The following BEST3 variants were observed in gnomAD, a reference collection of about 807,000 sequenced individuals.
BEST3 encodes the protein bestrophin 3.
BEST3 carries 50 observed loss-of-function variants against 47.1 expected under a neutral mutation model. The ratio of observed to expected loss-of-function variants is 1.06; its 90% CI spans 0.85 to 1.34. BEST3 has a LOEUF of 1.34. Among genes scored for constraint, BEST3 ranks in the 40% most tolerant of loss-of-function variants. The pLI is 0.00. For missense variants in BEST3, 765 were observed against 817.0 expected (o/e 0.94, Z 0.78); for synonymous variants, 282 against 298.8 (o/e 0.94, Z 0.58).
intron 4 of BEST3, among the ~76,000 whole-genome samples, chr12:69,688,452 T>C (rs1402239490): frequency 1.3e-5 from 2 of 152,244 alleles, no homozygotes; most frequent in African/African-American, 2.4e-5. Context: ...ACAAAAACTT[T>C]TTTATTTTTA....
intron 2 of BEST3, among the ~76,000 whole-genome samples, chr12:69,695,263 C>A (rs548393139): frequency 2.0e-5 from 3 of 152,012 alleles, no homozygotes; most frequent in Non-Finnish European, 4.4e-5. Context: ...AATAAATCGA[C>A]GAGTGTAGCT....
chr12:69,676,536 G>T (rs1163404989), intron 7 of BEST3, among the ~76,000 whole-genome samples: 1 of 152,060 alleles, frequency 6.6e-6, no homozygotes, highest in Admixed American at 6.5e-5. Context: ...CAATATTAAT[G>T]GTTAAGTCTG....
chr12:69,657,593 T>C (rs1323134502), intron 9 of BEST3, among the ~76,000 whole-genome samples: 6 of 152,228 alleles, frequency 3.9e-5, no homozygotes, highest in Non-Finnish European at 8.8e-5. Context: ...CTCATCATGC[T>C]AGCTCTGGGA....
chr12:69,671,677 C>T, intron 8 of BEST3, 98 bp from the exon 9 acceptor site: 1 of 1,092,702 alleles, frequency 9.2e-7, no homozygotes, highest in Non-Finnish European at 1.4e-6. Flanking sequence ...GGCTAGGACA[C>T]AGTCTAAATG....
intron 4 of BEST3, among the ~76,000 whole-genome samples, chr12:69,682,750 T>C (rs1248670692): frequency 6.6e-6 from 1 of 152,156 alleles, no homozygotes; most frequent in East Asian, 1.9e-4. Context: ...CTAATTTTTG[T>C]ATTTTTTGTA....
At chr12:69,683,272 G>A (rs746165090) in intron 4 of BEST3, 12 of 152,214 alleles carry the variant, frequency 7.9e-5, no homozygotes, top group Non-Finnish European at 1.8e-4. Context: ...TGAGTATTTT[G>A]CTGGGTGCTG....
At chr12:69,693,263 C>CT (rs61067334) in intron 4 of BEST3, among the ~76,000 whole-genome samples, 3,299 of 112,538 alleles carry the variant, frequency 0.029, 75 homozygotes, top group South Asian at 0.056. Context: ...TTTCTTTTTT[C>CT]TTTTTTTTTT....
intron 9 of BEST3, among the ~76,000 whole-genome samples, chr12:69,658,739 G>T (rs1033458742): frequency 1.1e-4 from 16 of 152,204 alleles, no homozygotes; most frequent in Admixed American, 9.2e-4. Flanking sequence ...TGAAAGAAGT[G>T]ACTTGAACAA....
chr12:69,664,443 G>A (rs1202681013), intron 9 of BEST3, among the ~76,000 whole-genome samples: 22 of 151,896 alleles, frequency 1.4e-4, no homozygotes. Context: ...CCGCCACCCG[G>A]GGCCAGTTCT....
At chr12:69,649,555 C>T (rs1883145631), downstream of BEST3, among the ~76,000 whole-genome samples, 1 of 152,196 alleles carries the variant, frequency 6.6e-6, no homozygotes, top group South Asian at 2.1e-4. Flanking sequence ...CTATTTCTTC[C>T]TCTAGCTCAT....
chr12:69,654,568 A>G lies in BEST3; in HGVS notation c.*339T>C. The G allele has an allele frequency of 2.9e-6, 3 of 1,028,790 alleles. No homozygotes were observed. The highest frequency in any genetic ancestry group is 3.5e-6 in the Non-Finnish European group (3 of 856,126). The allele number at this position is 1,028,790 out of a possible 1,614,324, so 63.7% of individuals were successfully genotyped here. On this transcript the variant is annotated 3_prime_UTR_variant, in exon 10 of 10. Coordinates refer to ENST00000330891, the MANE Select transcript of BEST3 (RefSeq NM_032735.3). ...TTTGGGTCTAGGGGATTGGACTATG[A>G]TCTATGAGACTCTTTCCACAACTAA...
intron 4 of BEST3, among the ~76,000 whole-genome samples, chr12:69,688,165 A>G (rs541504618): frequency 3.9e-5 from 6 of 152,198 alleles, no homozygotes; most frequent in Non-Finnish European, 5.9e-5. Context: ...TCAGTATGAG[A>G]CCATACTATA....
chr12:69,689,086 C>T, intron 4 of BEST3: 2 of 985,454 alleles, frequency 2.0e-6, no homozygotes. Context: ...TCTCTGCCCT[C>T]AGGCAGGAGC....
chr12:69,689,483 A>T (rs778793024), intron 4 of BEST3, among the ~76,000 whole-genome samples: 1 of 152,236 alleles, frequency 6.6e-6, no homozygotes, highest in African/African-American at 2.4e-5. Flanking sequence ...AGTATTTACA[A>T]GCACCAAGAG....
At chr12:69,674,553 T>A (rs186855283) in intron 7 of BEST3, among the ~76,000 whole-genome samples, 1 of 152,316 alleles carries the variant, frequency 6.6e-6, no homozygotes, top group East Asian at 1.9e-4. Context: ...ATCTGCCCTT[T>A]CTTGCCTGGA....
intron 4 of BEST3, among the ~76,000 whole-genome samples, chr12:69,681,964 C>A (rs2135999877): frequency 6.6e-6 from 1 of 151,150 alleles, no homozygotes. Flanking sequence ...ACCTGTAATC[C>A]CAGCTGCTTG....
chr12:69,692,888 G>T (rs928092225), intron 4 of BEST3, among the ~76,000 whole-genome samples: 1 of 151,970 alleles, frequency 6.6e-6, no homozygotes, highest in Admixed American at 6.6e-5. Context: ...TCAGCCTCCC[G>T]AGTAGCGGGA....
intron 9 of BEST3, chr12:69,670,523 C>T (rs866994032): frequency 1.4e-6 from 1 of 702,888 alleles, no homozygotes; most frequent in Non-Finnish European, 2.6e-6. Context: ...CACAAACCAT[C>T]ACTGATGGGG....
intron 9 of BEST3, among the ~76,000 whole-genome samples, chr12:69,668,317 A>T (rs368804405): frequency 9.2e-5 from 14 of 152,344 alleles, no homozygotes; most frequent in East Asian, 7.7e-4. Context: ...AAGAAAATTT[A>T]AAAAAATCTC....
Sources: gnomAD v4.1 joint callset for allele counts (sites outside exome capture counted in the v4.1 genomes callset) on GRCh38, gnomAD v4.1.1 for gene constraint, MANE v1.5 for transcripts, NCBI Gene and HGNC (gene_info 2026-07-23, HGNC 2026-07-21) for gene names.